The following PDE7B variants were observed in gnomAD, a reference collection of about 807,000 sequenced individuals.
The protein encoded by PDE7B is 3',5'-cyclic-AMP phosphodiesterase 7B.
A neutral mutation model predicts 56.2 loss-of-function variants in PDE7B; 29 were observed. The observed-to-expected ratio is 0.52, with a 90% CI of 0.38 to 0.70. PDE7B has a LOEUF of 0.70. PDE7B is among the 30% of genes least tolerant of loss of function. The probability of loss-of-function intolerance (pLI) is 0.00; values close to 1 mark genes in which losing one functional copy is unlikely to be tolerated. For missense variants in PDE7B, 490 were observed against 565.0 expected, an observed-to-expected ratio of 0.87 and a Z score of 1.35; for synonymous variants, 197 against 196.9, an observed-to-expected ratio of 1.00 and a Z score of 0.00.
chr6:135,906,420 T>C (rs7752169), intron 1 of PDE7B, among the ~76,000 whole-genome samples: 81,803 of 151,882 alleles, frequency 0.54, 22,125 homozygotes, highest in Middle Eastern at 0.63. Context: ...CTGTTTGATA[T>C]TTAGCTATTA....
At position 136,187,872 on chromosome 6, in the gene PDE7B, T is replaced by C. The variant is rs182718455; in HGVS notation, c.1126+756T>C. On this transcript the variant is annotated intron_variant, in intron 12 of 12. Transcript: ENST00000308191. ...ACCCACCTTTAAAGCAAGTCTTTCT[T>C]TTCCTTGCAGTTCCCTTCCATTGAA... Among the ~76,000 whole-genome samples the C allele has an allele frequency of 2.1e-3, 318 of 152,320 alleles. 2 individuals are homozygous for C. Among genetic ancestry groups the C allele is most frequent in the African/African-American group, 7.3e-3 (302 of 41,578 alleles).
rs529327566 is a variant in PDE7B at position 135,998,617 on chromosome 6, G to A, written c.82+51093G>A. Among the ~76,000 whole-genome samples, 52 of 152,184 alleles carry A rather than the reference G, an allele frequency of 3.4e-4. No homozygotes were observed. The South Asian group carries it at 4.8e-3, about 14-fold the overall frequency. On this transcript the variant is annotated intron_variant, in intron 2 of 12. Transcript: ENST00000308191. ...TAAAAATACAAAAAATTAGCCAGGC[G>A]TGGTGGTGGGTGCCTGTAGTCTCAG... is the stretch of plus-strand genomic sequence containing the variant.
At chr6:135,967,682 G>A (rs1374219389) in intron 2 of PDE7B, among the ~76,000 whole-genome samples, 1 of 152,182 alleles carries the variant, frequency 6.6e-6, no homozygotes, top group Non-Finnish European at 1.5e-5. Context: ...TCCTTCATAA[G>A]AATGAGGGAT....
chr6:136,191,931 A>G lies in PDE7B; in HGVS notation c.*91A>G. The stretch of plus-strand genomic sequence containing the variant: ...GGGGCCCTCACGCAGCAGCCCAGCC[A>G]CTTTCTGAGTGTTGTCCTGGGGCTC... On this transcript the variant is annotated 3_prime_UTR_variant, in exon 13 of 13. Transcript: ENST00000308191. 1.1e-6 allele frequency: 1 copy of G among 944,972 alleles called. No individual in the cohort carries two copies. The highest frequency in any genetic ancestry group is 1.6e-6 in the Non-Finnish European group (1 of 625,314). 58.5% of individuals were successfully genotyped at this position (944,972 alleles called of 1,614,324 possible). A position where few individuals can be genotyped will look rare whatever the true frequency, so the allele number is the denominator to read the frequency against.
chr6:136,000,811 T>C (rs940476985), intron 2 of PDE7B, among the ~76,000 whole-genome samples: 2 of 152,234 alleles, frequency 1.3e-5, no homozygotes, highest in African/African-American at 4.8e-5. Flanking sequence ...TCTGCAGACT[T>C]AAATGTCCCT....
chr6:135,951,767 C>T (rs1774703183), intron 2 of PDE7B, among the ~76,000 whole-genome samples: 1 of 151,926 alleles, frequency 6.6e-6, no homozygotes, highest in South Asian at 2.1e-4. Context: ...CTGTTTTTGT[C>T]TCATGTATGA....
intron 1 of PDE7B, among the ~76,000 whole-genome samples, chr6:135,941,230 C>T (rs2128198625): frequency 7.0e-6 from 1 of 143,066 alleles, no homozygotes; most frequent in East Asian, 2.1e-4. Context: ...AGCACTTTTT[C>T]AGCTCAAGAA....
chr6:135,915,707 A>G (rs2128194522), intron 1 of PDE7B, among the ~76,000 whole-genome samples: 1 of 152,192 alleles, frequency 6.6e-6, no homozygotes, highest in East Asian at 1.9e-4. Context: ...TGTCCAGTCA[A>G]TTTCCTCCAT....
At chr6:135,946,748 A>C (rs1434621673) in intron 1 of PDE7B, among the ~76,000 whole-genome samples, 2 of 151,896 alleles carry the variant, frequency 1.3e-5, no homozygotes, top group Non-Finnish European at 1.5e-5. Context: ...TTTCTATTAG[A>C]TTTGTTATGT....
chr6:135,981,640 C>T (rs1775298734), intron 2 of PDE7B, among the ~76,000 whole-genome samples: 1 of 150,996 alleles, frequency 6.6e-6, no homozygotes, highest in East Asian at 2.0e-4. Flanking sequence ...CTTCCACCTC[C>T]ACATTTTTCC....
At chr6:135,998,983 CTAATA>C (rs1232889125) in intron 2 of PDE7B, among the ~76,000 whole-genome samples, 1 of 151,764 alleles carries the variant, frequency 6.6e-6, no homozygotes, top group Non-Finnish European at 1.5e-5. Flanking sequence ...ACTAATTTTG[CTAATA>C]TAATATAATA....
intron 12 of PDE7B, among the ~76,000 whole-genome samples, chr6:136,190,287 C>A (rs992050459): frequency 1.3e-5 from 2 of 152,160 alleles, no homozygotes; most frequent in Admixed American, 1.3e-4. Flanking sequence ...GTTTAACTTT[C>A]CCCCTCCAGT....
At chr6:136,145,915 T>C (rs766054161) in intron 3 of PDE7B, among the ~76,000 whole-genome samples, 1 of 152,206 alleles carries the variant, frequency 6.6e-6, no homozygotes, top group Admixed American at 6.5e-5. Flanking sequence ...TCCCTCAAGC[T>C]CTGGATTTTA....
At chr6:136,002,297 G>A (rs1347882294) in intron 2 of PDE7B, among the ~76,000 whole-genome samples, 2 of 152,230 alleles carry the variant, frequency 1.3e-5, no homozygotes, top group South Asian at 2.1e-4. Context: ...ATCAACTAAT[G>A]AGCAAAATAA....
chr6:136,190,343 A>G (rs977941931), intron 12 of PDE7B, among the ~76,000 whole-genome samples: 1 of 152,220 alleles, frequency 6.6e-6, no homozygotes, highest in Non-Finnish European at 1.5e-5. Flanking sequence ...CATATTTCAC[A>G]TAAGATGAGA....
Position 135,896,653 on chromosome 6 carries a change from C to G in PDE7B, c.21+44634C>G, listed in dbSNP as rs555761894. The stretch of plus-strand genomic sequence containing the variant: ...CATTTTACAGATGAAAAAAAGGAGA[C>G]GCAGAGAGGTTAAAAAAATTAGCCT... On this transcript the variant is annotated intron_variant, in intron 1 of 12. Transcript: ENST00000308191. Among the ~76,000 whole-genome samples, 28 of 152,094 alleles carry G rather than the reference C, an allele frequency of 1.8e-4. No homozygotes were observed. The East Asian group carries it at 5.4e-3, about 29-fold the overall frequency.
chr6:135,957,135 TAG>T (rs1562452101), intron 2 of PDE7B, among the ~76,000 whole-genome samples: 1 of 152,072 alleles, frequency 6.6e-6, no homozygotes, highest in African/African-American at 2.4e-5. Context: ...AGCATGGAGA[TAG>T]AGACAGGTGT....
intron 2 of PDE7B, chr6:136,034,960 A>C (rs1021765458): frequency 1.3e-5 from 2 of 151,978 alleles, no homozygotes; most frequent in African/African-American, 2.4e-5. Flanking sequence ...GTAGGTGTCC[A>C]TTGTCCATTG....
At chr6:136,185,818 G>T (rs540475448) in intron 11 of PDE7B, among the ~76,000 whole-genome samples, 1 of 152,040 alleles carries the variant, frequency 6.6e-6, no homozygotes, top group Non-Finnish European at 1.5e-5. Flanking sequence ...CTTAGAACGT[G>T]CCTGGCACAC....
Sources: allele counts gnomAD v4.1 joint callset (sites outside exome capture counted in the v4.1 genomes callset), GRCh38; gene constraint gnomAD v4.1.1; transcripts MANE v1.5; gene names NCBI Gene and HGNC (gene_info 2026-07-23, HGNC 2026-07-21).